PPIG: variants seen among roughly 807,000 people sequenced by gnomAD.
PPIG encodes the protein peptidylprolyl isomerase G.
PPIG carries 26 observed loss-of-function variants against 87.9 expected under a neutral mutation model. That is an observed-to-expected ratio of 0.30 (90% CI 0.22 to 0.41). The LOEUF (loss-of-function observed/expected upper bound fraction) is 0.41, where lower values mean the gene tolerates loss of function less well. PPIG is among the 10% of genes least tolerant of loss of function. PPIG has a pLI of 1.00. For missense variants in PPIG, 722 were observed against 879.4 expected (o/e 0.82, Z 2.26); for synonymous variants, 308 against 276.5 (o/e 1.11, Z -1.13).
At chr2:169,590,455 A>G (rs1325379118) in intron 1 of PPIG, among the ~76,000 whole-genome samples, 1 of 152,094 alleles carries the variant, frequency 6.6e-6, no homozygotes, top group Non-Finnish European at 1.5e-5. Context: ...CCTAGCTAAC[A>G]CGGTGAAACC....
rs1296154570 is a variant in PPIG at position 169,631,228 on chromosome 2, C to T, written c.761+241C>T. Among the ~76,000 whole-genome samples the T allele has an allele frequency of 2.0e-5, 3 of 152,134 alleles. No homozygotes were observed. The South Asian group carries it at 6.2e-4, about 32-fold the overall frequency. On this transcript the variant is annotated intron_variant, in intron 10 of 13. Transcript: ENST00000260970. ...ATGAAATAATACAGCTTTGGTGTTA[C>T]AGATTTGTGTGTTTTATAGGAGGAT...
intron 1 of PPIG, among the ~76,000 whole-genome samples, chr2:169,589,732 G>C (rs1478103134): frequency 6.6e-6 from 1 of 152,118 alleles, no homozygotes; most frequent in African/African-American, 2.4e-5. Flanking sequence ...TTCAGTTGTG[G>C]AGGAGGCAGA....
chr2:169,609,496 T>C (rs1285359318), intron 7 of PPIG, among the ~76,000 whole-genome samples: 2 of 152,148 alleles, frequency 1.3e-5, no homozygotes, highest in Admixed American at 6.5e-5. Context: ...AAAATTGTTA[T>C]AGAGGGGAAG....
chr2:169,589,037 A>T (rs187996992), intron 1 of PPIG, among the ~76,000 whole-genome samples: 3 of 150,696 alleles, frequency 2.0e-5, no homozygotes, highest in African/African-American at 7.3e-5. Context: ...GTTCCCAGTT[A>T]GTATTTGCTT....
intron 6 of PPIG, among the ~76,000 whole-genome samples, chr2:169,607,749 C>T (rs1022888223): frequency 1.3e-5 from 2 of 152,108 alleles, no homozygotes; most frequent in African/African-American, 2.4e-5. Flanking sequence ...CCTCCTTTTG[C>T]GGTAAGTGAT....
chr2:169,605,058 G>A (rs573429890), intron 4 of PPIG, among the ~76,000 whole-genome samples: 3 of 151,878 alleles, frequency 2.0e-5, no homozygotes, highest in African/African-American at 7.2e-5. Flanking sequence ...AATCGGCCAG[G>A]CGTGGTGGCT....
At chr2:169,608,142 T>C (rs1685383269) in intron 6 of PPIG, among the ~76,000 whole-genome samples, 1 of 152,180 alleles carries the variant, frequency 6.6e-6, no homozygotes, top group Non-Finnish European at 1.5e-5. Flanking sequence ...ATTGAGATAA[T>C]ATTTGGGTTT....
chr2:169,589,099 G>A (rs1303882192), intron 1 of PPIG, among the ~76,000 whole-genome samples: 1 of 151,778 alleles, frequency 6.6e-6, no homozygotes, highest in Non-Finnish European at 1.5e-5. Context: ...CTCTCAGATC[G>A]TATATATAGT....
chr2:169,594,833 G>T (rs896979562), intron 1 of PPIG, among the ~76,000 whole-genome samples: 3 of 151,864 alleles, frequency 2.0e-5, no homozygotes, highest in African/African-American at 7.3e-5. Context: ...TCACCATGTT[G>T]GGCTGGCTAG....
intron 1 of PPIG, among the ~76,000 whole-genome samples, chr2:169,601,606 A>C (rs1354227475): frequency 6.6e-6 from 1 of 152,194 alleles, no homozygotes; most frequent in Non-Finnish European, 1.5e-5. Flanking sequence ...AGAGCATTCC[A>C]GGTGGAGAGA....
intron 1 of PPIG, among the ~76,000 whole-genome samples, chr2:169,589,543 TAAG>T (rs1559172777): frequency 1.3e-5 from 2 of 152,206 alleles, no homozygotes; most frequent in East Asian, 1.9e-4. Flanking sequence ...TGATTTCACT[TAAG>T]AGGTGGAAAT....
Position 169,639,311 on chromosome 2 carries a change from A to G in PPIG, c.*1788A>G, listed in dbSNP as rs1686260125. ...TAACGTTATGTAGTTTAAGCAAGTT[A>G]TTGTTTGTCTTAATTTCAGTTAACT... On this transcript the variant is annotated 3_prime_UTR_variant, in exon 14 of 14. Coordinates refer to ENST00000260970, the MANE Select transcript of PPIG (RefSeq NM_004792.3). 1 of 152,032 alleles carries G rather than the reference A, an allele frequency of 6.6e-6. No homozygotes were observed. The highest frequency in any genetic ancestry group is 2.4e-5 in the African/African-American group (1 of 41,418). The allele number at this position is 152,032 out of a possible 1,614,324, so 9.4% of individuals were successfully genotyped here. A position where few individuals can be genotyped will look rare whatever the true frequency, so the allele number is the denominator to read the frequency against.
chr2:169,605,897 T>A (rs1002917822), intron 4 of PPIG, 142 bp from the exon 5 acceptor site: 23 of 626,968 alleles, frequency 3.7e-5, no homozygotes, highest in Admixed American at 3.0e-5. Context: ...TTTAAATGAA[T>A]TTTTAAAAAA....
At chr2:169,611,888 TA>T (rs892586014) in intron 7 of PPIG, among the ~76,000 whole-genome samples, 5 of 152,136 alleles carry the variant, frequency 3.3e-5, no homozygotes, top group East Asian at 1.9e-4. Flanking sequence ...GCTTCAGTCT[TA>T]AAAAAAATTT....
intron 12 of PPIG, among the ~76,000 whole-genome samples, chr2:169,634,254 G>A (rs950441343): frequency 6.6e-6 from 1 of 151,944 alleles, no homozygotes; most frequent in Admixed American, 6.6e-5. Context: ...TAAAAATGGG[G>A]TTTCGTCATG....
At chr2:169,624,567 G>GT (rs767855577) in intron 9 of PPIG, among the ~76,000 whole-genome samples, 1 of 152,062 alleles carries the variant, frequency 6.6e-6, no homozygotes. Context: ...TCAATTTTGT[G>GT]TAAGTAGTTA....
chr2:169,626,590 A>G (rs1457995629), intron 9 of PPIG, among the ~76,000 whole-genome samples: 1 of 152,154 alleles, frequency 6.6e-6, no homozygotes, highest in Non-Finnish European at 1.5e-5. Flanking sequence ...CGGGTTCACC[A>G]TGTGGGCCAG....
At chr2:169,625,293 C>T (rs1415774510) in intron 9 of PPIG, among the ~76,000 whole-genome samples, 2 of 152,202 alleles carry the variant, frequency 1.3e-5, no homozygotes, top group Non-Finnish European at 2.9e-5. Context: ...CTGTGAAAAT[C>T]TCTTTCCATG....
At chr2:169,631,545 T>C in intron 10 of PPIG, 1 of 1,295,024 alleles carries the variant, frequency 7.7e-7, no homozygotes. Flanking sequence ...GAAAATATTT[T>C]TTGAGAGTGT....
Sources: gnomAD v4.1 joint callset for allele counts (sites outside exome capture counted in the v4.1 genomes callset) on GRCh38, gnomAD v4.1.1 for gene constraint, MANE v1.5 for transcripts, NCBI Gene and HGNC (gene_info 2026-07-23, HGNC 2026-07-21) for gene names.